COL26A1: variants seen among roughly 807,000 people sequenced by gnomAD.
The protein encoded by COL26A1 is collagen alpha-1(XXVI) chain.
COL26A1 carries 41 observed loss-of-function variants against 59.3 expected under a neutral mutation model. The observed-to-expected ratio is 0.69, with a 90% CI of 0.54 to 0.90. The LOEUF (loss-of-function observed/expected upper bound fraction) is 0.90. Among genes scored for constraint, COL26A1 ranks in the 40% least tolerant of loss-of-function variants. The probability of loss-of-function intolerance (pLI) is 0.00; values close to 1 mark genes in which losing one functional copy is unlikely to be tolerated. For missense variants in COL26A1, 612 were observed against 602.3 expected (o/e 1.02, Z -0.17); for synonymous variants, 266 against 256.0 (o/e 1.04, Z -0.37).
intron 3 of COL26A1, among the ~76,000 whole-genome samples, chr7:101,452,413 C>A (rs1302315626): frequency 6.6e-6 from 1 of 152,084 alleles, no homozygotes; most frequent in African/African-American, 2.4e-5. Flanking sequence ...AGGTGTCCAC[C>A]CTCAAGGGCT....
At chr7:101,378,835 C>A (rs922693398) in intron 1 of COL26A1, among the ~76,000 whole-genome samples, 1 of 152,014 alleles carries the variant, frequency 6.6e-6, no homozygotes, top group Non-Finnish European at 1.5e-5. Context: ...GAGGATGTCC[C>A]CTGCTTGGAG....
chr7:101,458,960 C>G (rs1453800879), intron 3 of COL26A1, among the ~76,000 whole-genome samples: 1 of 151,972 alleles, frequency 6.6e-6, no homozygotes, highest in Non-Finnish European at 1.5e-5. Context: ...TGCCACCATG[C>G]CTGGCTAATT....
At chr7:101,540,937 C>G (rs181390477) in intron 5 of COL26A1, among the ~76,000 whole-genome samples, 115 of 152,018 alleles carry the variant, frequency 7.6e-4, no homozygotes, top group Non-Finnish European at 1.3e-3. Flanking sequence ...AAGCCAGGAG[C>G]TCAAGACCAG....
chr7:101,544,956 C>T (rs987496986), intron 6 of COL26A1, among the ~76,000 whole-genome samples: 13 of 152,128 alleles, frequency 8.5e-5, no homozygotes, highest in African/African-American at 1.4e-4. Flanking sequence ...TGGGTCCTGC[C>T]GGGGAAGGAC....
At chr7:101,484,625 T>TC (rs1399959623) in intron 3 of COL26A1, among the ~76,000 whole-genome samples, 1 of 151,838 alleles carries the variant, frequency 6.6e-6, no homozygotes, top group African/African-American at 2.4e-5. Flanking sequence ...CACCTCAGCC[T>TC]CCCAAAGTGC....
At chr7:101,441,072 C>G (rs1157813812) in intron 2 of COL26A1, among the ~76,000 whole-genome samples, 1 of 152,126 alleles carries the variant, frequency 6.6e-6, no homozygotes, top group Admixed American at 6.6e-5. Flanking sequence ...AGATCAGTCC[C>G]TGTGTGTAGA....
At chr7:101,507,936 C>T (rs1423806684) in intron 3 of COL26A1, among the ~76,000 whole-genome samples, 2 of 152,174 alleles carry the variant, frequency 1.3e-5, no homozygotes, top group South Asian at 2.1e-4. Context: ...CCTCAAGGCA[C>T]GTGACTGCCA....
intron 1 of COL26A1, among the ~76,000 whole-genome samples, chr7:101,409,808 G>A (rs187842384): frequency 7.9e-5 from 12 of 152,144 alleles, no homozygotes; most frequent in Admixed American, 2.6e-4. Flanking sequence ...TTGCCCAGGC[G>A]GGAGTGCAGT....
At chr7:101,552,507 C>T (rs1795881937) in intron 10 of COL26A1, among the ~76,000 whole-genome samples, 1 of 152,196 alleles carries the variant, frequency 6.6e-6, no homozygotes, top group African/African-American at 2.4e-5. Context: ...GTCCTAGTTA[C>T]TCAGGAGGCT....
At chr7:101,500,534 C>A (rs898719927) in intron 3 of COL26A1, among the ~76,000 whole-genome samples, 2 of 152,300 alleles carry the variant, frequency 1.3e-5, no homozygotes, top group Admixed American at 1.3e-4. Context: ...TCTAAAATAC[C>A]GGACCGGGCG....
chr7:101,521,741 G>T (rs144423819), intron 3 of COL26A1, among the ~76,000 whole-genome samples: 3 of 152,118 alleles, frequency 2.0e-5, no homozygotes, highest in Non-Finnish European at 4.4e-5. Flanking sequence ...AACAAAGAAC[G>T]TTCTCATGAT....
chr7:101,379,910 T>G (rs1457505076), intron 1 of COL26A1, among the ~76,000 whole-genome samples: 1 of 152,208 alleles, frequency 6.6e-6, no homozygotes, highest in Non-Finnish European at 1.5e-5. Flanking sequence ...CATCAAGAAA[T>G]AATCATAAAA....
chr7:101,531,070 A>G (rs1795358220), intron 3 of COL26A1, among the ~76,000 whole-genome samples: 1 of 151,700 alleles, frequency 6.6e-6, no homozygotes. Context: ...TCCTGGCTTC[A>G]TGCCAGTCTC....
chr7:101,489,900 T>C (rs1377463274), intron 3 of COL26A1, among the ~76,000 whole-genome samples: 2 of 94,956 alleles, frequency 2.1e-5, no homozygotes, highest in African/African-American at 4.5e-5. Context: ...CTTTCTTTCT[T>C]TCTTTCTTTC....
rs541544854 is a variant in COL26A1, at chr7:101,368,791, C to T, written c.158+5601C>T. Among the ~76,000 whole-genome samples the T allele has an allele frequency of 2.0e-3, 305 of 152,260 alleles. 1 individual carries two copies. Among genetic ancestry groups the T allele is most frequent in the Middle Eastern group, 3.4e-3 (1 of 294 alleles). On this transcript the variant is annotated intron_variant, in intron 1 of 12. Transcript: ENST00000313669. ...CCCAACCTCCAGAGTCAAGTCCCGC[C>T]TCCTACTTCAAAGTAGTACTATAAT...
chr7:101,522,690 T>C (rs946523512), intron 3 of COL26A1, among the ~76,000 whole-genome samples: 16 of 152,132 alleles, frequency 1.1e-4, no homozygotes, highest in Non-Finnish European at 2.4e-4. Context: ...TGTTGTGTCA[T>C]AGAGCGGGCT....
intron 3 of COL26A1, among the ~76,000 whole-genome samples, chr7:101,481,368 A>G (rs760860452): frequency 3.3e-5 from 5 of 150,386 alleles, no homozygotes; most frequent in Non-Finnish European, 5.9e-5. Flanking sequence ...TCTTGTAAGC[A>G]CCTCCTTTCT....
intron 2 of COL26A1, 51 bp from the exon 3 acceptor site, chr7:101,447,633 G>A: frequency 8.0e-7 from 1 of 1,249,926 alleles, no homozygotes. Context: ...AGTGGGGTCT[G>A]GAGGTGGGTG....
intron 4 of COL26A1, among the ~76,000 whole-genome samples, chr7:101,534,747 C>T (rs188397726): frequency 3.3e-5 from 5 of 152,288 alleles, no homozygotes; most frequent in Non-Finnish European, 5.9e-5. Context: ...CCCTGACTTC[C>T]GCCCTGGGGG....
Sources: gnomAD v4.1 joint callset for allele counts (sites outside exome capture counted in the v4.1 genomes callset) on GRCh38, gnomAD v4.1.1 for gene constraint, MANE v1.5 for transcripts, NCBI Gene and HGNC (gene_info 2026-07-23, HGNC 2026-07-21) for gene names.